Variants in PARP4 observed in about 807,000 individuals in gnomAD.
PARP4 encodes the protein poly(ADP-ribose) polymerase family member 4.
A neutral mutation model predicts 187.7 loss-of-function variants in PARP4; 120 were observed. The ratio of observed to expected loss-of-function variants is 0.64; its 90% CI spans 0.55 to 0.74. PARP4 has a LOEUF of 0.74. Ranked by LOEUF, PARP4 falls within the 30% of genes least tolerant of loss-of-function variation. PARP4 has a pLI of 0.00. For synonymous variants in PARP4, 654 were observed against 740.9 expected, an observed-to-expected ratio of 0.88 and a Z score of 1.90; for missense variants, 1,836 against 2,070.5, an observed-to-expected ratio of 0.89 and a Z score of 2.20.
At chr13:24,468,472 T>G (rs1464548710) in intron 17 of PARP4, among the ~76,000 whole-genome samples, 5 of 150,666 alleles carry the variant, frequency 3.3e-5, no homozygotes, top group Non-Finnish European at 4.4e-5. Context: ...TGGCACAATT[T>G]TGGCTCACTG....
chr13:24,443,910 G>C (rs1406839557), intron 27 of PARP4, among the ~76,000 whole-genome samples, 180 bp from the exon 28 acceptor site: 1 of 152,184 alleles, frequency 6.6e-6, no homozygotes, highest in African/African-American at 2.4e-5. Flanking sequence ...TTGAAGTGAA[G>C]ACACAGAACA....
intron 17 of PARP4, among the ~76,000 whole-genome samples, chr13:24,466,373 G>T (rs1354397401): frequency 6.6e-6 from 1 of 151,838 alleles, no homozygotes. Context: ...GTAGATCTGG[G>T]GTTTCACCAT....
rs371453877 is a variant in PARP4, at chr13:24,508,766, G to T, written c.-2+3940C>A. On this transcript the variant is annotated intron_variant, in intron 1 of 33. Transcript: ENST00000381989. ...CAACCTTAAGTGATCTGCACACCTT[G>T]GCCTCCCTAAGTGCTGGGATTACAG... 2.4e-4 allele frequency among the ~76,000 whole-genome samples: 37 copies of T among 152,198 alleles called. No homozygotes were observed. The East Asian group carries it at 7.1e-3, about 29-fold the overall frequency.
intron 6 of PARP4, among the ~76,000 whole-genome samples, chr13:24,496,532 G>A (rs143449851): frequency 0.016 from 2,434 of 152,286 alleles, 34 homozygotes; most frequent in Non-Finnish European, 0.025. Flanking sequence ...TCTGGAACCC[G>A]AGACAATGCT....
At chr13:24,452,201 G>T in intron 24 of PARP4, 1 of 501,964 alleles carries the variant, frequency 2.0e-6, no homozygotes. Context: ...TAAGGAACTT[G>T]CTCAAGGTCA....
chr13:24,471,157 C>T (rs148871390), intron 15 of PARP4, among the ~76,000 whole-genome samples: 22 of 152,348 alleles, frequency 1.4e-4, no homozygotes, highest in East Asian at 3.9e-4. Context: ...TGACTGTGCA[C>T]GGAACTCCTT....
intron 7 of PARP4, 64 bp from the exon 8 acceptor site, chr13:24,493,797 A>C: frequency 6.6e-7 from 1 of 1,511,630 alleles, no homozygotes; most frequent in South Asian, 1.1e-5. Context: ...TAAAACTTAC[A>C]TGGGCCAACG....
At chr13:24,511,653 A>T (rs75401365) in intron 1 of PARP4, among the ~76,000 whole-genome samples, 2,227 of 152,332 alleles carry the variant, frequency 0.015, 62 homozygotes, top group African/African-American at 0.051. Flanking sequence ...AACCCTGAGG[A>T]GTCCCTTTCT....
Position 24,492,409 on chromosome 13 carries a change from T to A in PARP4, c.1053+12A>T. On this transcript the variant is annotated intron_variant, in intron 9 of 33. Transcript: ENST00000381989. Reference sequence around the variant, plus strand: ...TTTATAATAAATAGAATTCTATATTTCAGAGGTTTACCTGGCAGAGGTCTG... The same window carrying A: ...TTTATAATAAATAGAATTCTATATTACAGAGGTTTACCTGGCAGAGGTCTG... The A allele has an allele frequency of 6.3e-7, 1 of 1,593,852 alleles. No homozygotes were observed.
At chr13:24,475,291 T>G (rs1872927724) in intron 15 of PARP4, among the ~76,000 whole-genome samples, 181 bp downstream of exon 15, 1 of 152,250 alleles carries the variant, frequency 6.6e-6, no homozygotes, top group Non-Finnish European at 1.5e-5. Context: ...TTTTGTATTG[T>G]GCACTGCTGG....
chr13:24,478,718 G>C (rs2137512622), intron 12 of PARP4, among the ~76,000 whole-genome samples: 1 of 152,334 alleles, frequency 6.6e-6, no homozygotes, highest in South Asian at 2.1e-4. Flanking sequence ...ACAGGCATGA[G>C]CAACCATGCC....
intron 14 of PARP4, among the ~76,000 whole-genome samples, chr13:24,477,124 A>T (rs935365845): frequency 2.5e-4 from 38 of 152,204 alleles, no homozygotes; most frequent in Admixed American, 6.5e-5. Flanking sequence ...GCTCAACTTC[A>T]GTGTGTTAAT....
chr13:24,494,822 G>T, intron 6 of PARP4, 100 bp from the exon 7 acceptor site: 3 of 727,124 alleles, frequency 4.1e-6, no homozygotes, highest in East Asian at 2.9e-5. Context: ...AAGAAGCTTA[G>T]AAATTAGTTT....
rs201485781 is a variant in PARP4, at chr13:24,447,009, T to A, written c.3285+7A>T. The A allele has an allele frequency of 8.7e-3, 205 of 23,596 alleles. No individual in the cohort carries two copies. The highest frequency in any genetic ancestry group is 0.039 in the Non-Finnish European group (197 of 5,028). 1.5% of individuals were successfully genotyped at this position (23,596 alleles called of 1,614,324 possible). On this transcript the variant is annotated splice_region_variant and intron_variant, in intron 26 of 33. Transcript: ENST00000381989. ...CCCATAGAATAACAAACTCTGCGTC[T>A]TCTTACCTGTGTGCAGTGAGGAATG...
At chr13:24,461,965 G>A (rs2862902) in intron 17 of PARP4, among the ~76,000 whole-genome samples, 77,298 of 151,892 alleles carry the variant, frequency 0.51, 20,002 homozygotes, top group South Asian at 0.65. Context: ...AGCAGGGGTT[G>A]CTACAACTGG....
chr13:24,498,027 A>C, intron 6 of PARP4, 89 bp downstream of exon 6: 1 of 836,376 alleles, frequency 1.2e-6, no homozygotes, highest in Non-Finnish European at 2.0e-6. Context: ...ACAGGTAAGA[A>C]GAAAAAGGTT....
chr13:24,509,214 T>A (rs1201132995), intron 1 of PARP4, among the ~76,000 whole-genome samples: 5 of 152,176 alleles, frequency 3.3e-5, no homozygotes. Flanking sequence ...TTATTAAAAA[T>A]TATTGAATTA....
rs530058141 is a variant in PARP4 at position 24,500,341 on chromosome 13, C to A, written c.376G>T (p.Glu126Ter). The A allele has an allele frequency of 1.4e-5, 22 of 1,603,222 alleles. No homozygotes were observed. The highest frequency in any genetic ancestry group is 1.9e-5 in the Non-Finnish European group (22 of 1,173,526). ...TCAGTGAGTTCCACAGTGTCTTCCT[C>A]CTCTGTGGCACTGTCCGGGCATAGA... ...EGLCPDSATE[E>*]EDTVELTEFG... The change falls in exon 4 of 34, where the codon GAG (glutamate) becomes TAG (stop). Residue 126 changes from glutamate (E) to a stop codon, truncating the protein, a stop_gained. Transcript: ENST00000381989. LOFTEE classifies it high-confidence loss of function.
At chr13:24,499,225 A>G in intron 5 of PARP4, 76 bp downstream of exon 5, 1 of 1,429,384 alleles carries the variant, frequency 7.0e-7, no homozygotes, top group Non-Finnish European at 9.2e-7. Flanking sequence ...AAATGACCGA[A>G]TAGGAAAAAC....
Sources: gnomAD v4.1 joint callset for allele counts (sites outside exome capture counted in the v4.1 genomes callset) on GRCh38, gnomAD v4.1.1 for gene constraint, MANE v1.5 for transcripts, NCBI Gene and HGNC (gene_info 2026-07-23, HGNC 2026-07-21) for gene names.